The following RICTOR variants were observed in gnomAD, a reference collection of about 807,000 sequenced individuals.
The protein encoded by RICTOR is RPTOR independent companion of MTOR complex 2.
Under a neutral mutation model 214.9 loss-of-function variants are expected in RICTOR, and 49 were observed. The ratio of observed to expected loss-of-function variants is 0.23; its 90% CI spans 0.18 to 0.29. The LOEUF (loss-of-function observed/expected upper bound fraction) is 0.29. Among genes scored for constraint, RICTOR ranks in the 10% least tolerant of loss-of-function variants. The pLI, the probability that RICTOR is intolerant of heterozygous loss-of-function variation, is 1.00. For missense variants in RICTOR, 1,625 were observed against 2,047.0 expected, an observed-to-expected ratio of 0.79 and a Z score of 3.98; for synonymous variants, 717 against 711.3, an observed-to-expected ratio of 1.01 and a Z score of -0.13.
chr5:38,953,593 T>TAAATACATAAA, intron 27 of RICTOR, 40 bp from the exon 28 acceptor site: 1 of 653,852 alleles, frequency 1.5e-6, no homozygotes. Context: ...AATAATATAT[T>TAAATACATAAA]TATGTATTTA....
chr5:39,071,755 A>T (rs1287135484), intron 2 of RICTOR, among the ~76,000 whole-genome samples: 1 of 152,232 alleles, frequency 6.6e-6, no homozygotes. Flanking sequence ...CCTCTATTTT[A>T]TAATGAGCTT....
intron 2 of RICTOR, among the ~76,000 whole-genome samples, chr5:39,026,439 A>G (rs962052954): frequency 6.6e-6 from 1 of 152,176 alleles, no homozygotes; most frequent in Admixed American, 6.5e-5. Flanking sequence ...GCAAAATACA[A>G]AAGAACTACT....
chr5:39,047,156 A>G (rs1757551771), intron 2 of RICTOR, among the ~76,000 whole-genome samples: 1 of 152,240 alleles, frequency 6.6e-6, no homozygotes. Context: ...GTAGTCATCA[A>G]GTATCACTGA....
intron 2 of RICTOR, among the ~76,000 whole-genome samples, chr5:39,023,959 C>G (rs1755621696): frequency 6.6e-6 from 1 of 152,032 alleles, no homozygotes; most frequent in South Asian, 2.1e-4. Context: ...TGTGGCAGTC[C>G]CCAACCTTTT....
intron 7 of RICTOR, among the ~76,000 whole-genome samples, chr5:38,984,429 T>C (rs1448532558): frequency 1.3e-5 from 2 of 152,152 alleles, no homozygotes; most frequent in Admixed American, 6.5e-5. Flanking sequence ...ATTTCTTGAG[T>C]TATACTGGTT....
chr5:39,002,731 T>C (rs1753735448), intron 4 of RICTOR, 65 bp from the exon 5 acceptor site: 1 of 1,487,552 alleles, frequency 6.7e-7, no homozygotes, highest in South Asian at 1.3e-5. Context: ...AAAATTATAT[T>C]ACCAAATTAT....
chr5:39,007,365 A>G (rs904146706), intron 3 of RICTOR, among the ~76,000 whole-genome samples: 16 of 152,062 alleles, frequency 1.1e-4, no homozygotes, highest in African/African-American at 3.1e-4. Context: ...TACACTTTTT[A>G]TAAGAGATTA....
Position 38,993,676 on chromosome 5 carries a change from C to CA in RICTOR, c.457-2602dup, listed in dbSNP as rs201099399. 4.4e-3 allele frequency among the ~76,000 whole-genome samples: 670 copies of CA among 151,788 alleles called. 6 individuals carry two copies. Among genetic ancestry groups the CA allele is most frequent in the Non-Finnish European group, 6.7e-3 (457 of 67,900 alleles). ...ATTTTAAGACTCTTGGGAATTCATACAAAAAAACTCAGTGATATAGTAATT... is the reference window on the plus strand; with the variant it reads ...ATTTTAAGACTCTTGGGAATTCATACAAAAAAAACTCAGTGATATAGTAATT... On this transcript the variant is annotated intron_variant, in intron 6 of 37. Transcript: ENST00000357387.
chr5:38,990,523 T>TAC (rs1554067770), intron 7 of RICTOR, among the ~76,000 whole-genome samples: 1 of 129,800 alleles, frequency 7.7e-6, no homozygotes, highest in Admixed American at 8.3e-5. Context: ...ACGATATATA[T>TAC]ACGATATATA....
chr5:39,055,131 T>C (rs1310926480), intron 2 of RICTOR, among the ~76,000 whole-genome samples: 1 of 152,160 alleles, frequency 6.6e-6, no homozygotes, highest in Non-Finnish European at 1.5e-5. Flanking sequence ...TTTTTCTAAA[T>C]TATCTCACCA....
chr5:39,052,226 A>G (rs1757905980), intron 2 of RICTOR, among the ~76,000 whole-genome samples: 3 of 152,126 alleles, frequency 2.0e-5, no homozygotes, highest in African/African-American at 7.2e-5. Flanking sequence ...AAATTTTTAA[A>G]TTAGCCAGGC....
rs529193857 is a variant in RICTOR at position 39,046,376 on chromosome 5, T to TA, written c.98-25241dup. ...AAGACCCTGTCTCTAAAAACAAAAT[T>TA]AAAAAAAAAAAAAAGAAGAAGAATA... is the stretch of plus-strand genomic sequence containing the variant. On this transcript the variant is annotated intron_variant, in intron 2 of 37. Coordinates refer to ENST00000357387, the MANE Select transcript of RICTOR (RefSeq NM_152756.5). 5.2e-3 allele frequency among the ~76,000 whole-genome samples: 664 copies of TA among 127,112 alleles called. 2 individuals carry two copies. The highest frequency in any genetic ancestry group is 0.013 in the African/African-American group (457 of 34,718). 83.4% of individuals were successfully genotyped at this position (127,112 alleles called of 152,430 possible).
At chr5:39,067,505 C>T (rs1389197160) in intron 2 of RICTOR, among the ~76,000 whole-genome samples, 1 of 152,170 alleles carries the variant, frequency 6.6e-6, no homozygotes, top group Non-Finnish European at 1.5e-5. Context: ...TTTCTCTCTT[C>T]TCTTCTATTG....
Position 39,021,083 on chromosome 5 carries a change from C to T in RICTOR, c.151G>A (p.Val51Ile), listed in dbSNP as rs991369249. 6.2e-7 allele frequency: 1 copy of T among 1,602,466 alleles called. No homozygotes were observed. Among genetic ancestry groups the T allele is most frequent in the Non-Finnish European group, 8.6e-7 (1 of 1,169,556 alleles). ...ILQNVARLQGVSNMRKLGHLN... is the reference protein window; with the variant it reads ...ILQNVARLQGISNMRKLGHLN... ...TGGCCTAGCTTTCTCATATTTGATA[C>T]TCCCTGCAATCTGGCCACATTTTGG... is the stretch of plus-strand genomic sequence containing the variant. The change falls in exon 3 of 38, where the codon GTA becomes ATA. Residue 51 changes from valine (V) to isoleucine (I), a missense_variant. By Grantham distance (29) the Val-to-Ile change is conservative. This residue lies in a region of RICTOR where 258 missense variants were observed against 393.7 expected (regional missense o/e 0.66). Coordinates refer to ENST00000357387, the MANE Select transcript of RICTOR (RefSeq NM_152756.5).
chr5:38,942,912 T>C lies in RICTOR; in HGVS notation c.4973A>G (p.His1658Arg). 1 of 1,608,210 alleles carries C rather than the reference T, an allele frequency of 6.2e-7. No individual in the cohort carries two copies. The highest frequency in any genetic ancestry group is 8.5e-7 in the Non-Finnish European group (1 of 1,174,666). The change falls in exon 37 of 38, where the codon CAT (histidine) becomes CGT (arginine). Residue 1658 changes from histidine (H) to arginine (R), a missense_variant. Transcript: ENST00000357387. ...TCTGAATGTGCAGTGTGACAGCAAA[T>C]GGGAAACCTCAGAGTAAAGGCATAT... is the stretch of plus-strand genomic sequence containing the variant. ...DDICLYSEVS[H>R]LLSHCTFRLP...
At chr5:38,980,762 A>AT (rs1357033504) in intron 8 of RICTOR, 1 of 152,170 alleles carries the variant, frequency 6.6e-6, no homozygotes, top group Non-Finnish European at 1.5e-5. Context: ...GGAAGGATCG[A>AT]TTGAGTGCGG....
intron 7 of RICTOR, among the ~76,000 whole-genome samples, chr5:38,985,827 C>G (rs895204070): frequency 1.3e-5 from 2 of 152,092 alleles, no homozygotes; most frequent in African/African-American, 4.8e-5. Flanking sequence ...TCCCGAGTAG[C>G]TGGGATTACA....
chr5:38,942,449 C>T, intron 37 of RICTOR, 71 bp from the exon 38 acceptor site: 1 of 791,070 alleles, frequency 1.3e-6, no homozygotes, highest in South Asian at 2.6e-5. Context: ...ATATAAATAT[C>T]TAATTTTTTT....
intron 2 of RICTOR, among the ~76,000 whole-genome samples, chr5:39,062,367 A>C (rs928719478): frequency 6.6e-6 from 1 of 152,052 alleles, no homozygotes. Flanking sequence ...GTTTCCAACC[A>C]CTGGAGTCTC....
Sources: gnomAD v4.1 joint callset for allele counts (sites outside exome capture counted in the v4.1 genomes callset) on GRCh38, gnomAD v4.1.1 for gene constraint, gnomAD v4.1.1 regional missense constraint, MANE v1.5 for transcripts, NCBI Gene and HGNC (gene_info 2026-07-23, HGNC 2026-07-21) for gene names.